The following HNRNPA1 variants were observed in gnomAD, a reference collection of about 807,000 sequenced individuals.
The protein encoded by HNRNPA1 is epididymis secretory sperm binding protein.
HNRNPA1 carries 7 observed loss-of-function variants against 44.4 expected under a neutral mutation model. That is an observed-to-expected ratio of 0.16 (90% CI 0.09 to 0.30). The LOEUF (loss-of-function observed/expected upper bound fraction) is 0.30. Ranked by LOEUF, HNRNPA1 falls within the 10% of genes least tolerant of loss-of-function variation. The pLI is 1.00. For synonymous variants in HNRNPA1, 169 were observed against 160.6 expected, an observed-to-expected ratio of 1.05 and a Z score of -0.40; for missense variants, 193 against 465.8, an observed-to-expected ratio of 0.41 and a Z score of 5.39.
rs113284748 is a variant in HNRNPA1, at chr12:54,284,149, A to AG, written c.1064-106dup. 2.0e-3 allele frequency: 2,627 copies of AG among 1,288,048 alleles called. 30 individuals carry two copies. The East Asian group carries it at 0.032, about 16-fold the overall frequency. The allele number at this position is 1,288,048 out of a possible 1,614,324, so 79.8% of individuals were successfully genotyped here. A position where few individuals can be genotyped will look rare whatever the true frequency, so the allele number is the denominator to read the frequency against. On this transcript the variant is annotated intron_variant, in intron 9 of 10. Coordinates refer to ENST00000340913, the MANE Select transcript of HNRNPA1 (RefSeq NM_031157.4). ...ACCTCTTTACCACCTCCCTTGTAGT[A>AG]GGGCCATTTTTAAATGGCCAGACAC... is the stretch of plus-strand genomic sequence containing the variant.
At chr12:54,282,982 A>G (rs1372316595) in intron 7 of HNRNPA1, 97 bp from the exon 8 acceptor site, 1 of 1,499,274 alleles carries the variant, frequency 6.7e-7, no homozygotes, top group African/African-American at 1.4e-5. Flanking sequence ...CTTTGCCCAT[A>G]ACACGCATGC....
At position 54,280,801 on chromosome 12, in the gene HNRNPA1, T is replaced by C; in HGVS notation, c.-7T>C. On this transcript the variant is annotated 5_prime_UTR_variant, in exon 1 of 11. Transcript: ENST00000340913. ...GCATCGTTAAAGTCTCTCTTCACCC[T>C]GCCGTCATGTCTAAGTCAGAGGTGA... 1 of 1,614,200 alleles carries C rather than the reference T, an allele frequency of 6.2e-7. No individual in the cohort carries two copies. Among genetic ancestry groups the C allele is most frequent in the Non-Finnish European group, 8.5e-7 (1 of 1,180,012 alleles).
chr12:54,281,668 G>T (rs1944173448), intron 2 of HNRNPA1, 127 bp from the exon 3 acceptor site: 1 of 1,088,710 alleles, frequency 9.2e-7, no homozygotes, highest in Middle Eastern at 2.0e-4. Context: ...TAAATCTAGG[G>T]TAGTGGGAAA....
At chr12:54,281,284 A>C in intron 1 of HNRNPA1, 102 bp from the exon 2 acceptor site, 1 of 745,980 alleles carries the variant, frequency 1.3e-6, no homozygotes, top group East Asian at 2.4e-5. Flanking sequence ...CTGAACGAAC[A>C]ATAAGTGCTA....
chr12:54,281,130 G>C (rs764128898), intron 1 of HNRNPA1: 56 of 699,818 alleles, frequency 8.0e-5, no homozygotes, highest in Admixed American at 2.0e-5. Context: ...TAGTCCCATT[G>C]TGGAGATGCA....
chr12:54,281,060 C>T (rs2137039920), intron 1 of HNRNPA1: 1 of 705,592 alleles, frequency 1.4e-6, no homozygotes, highest in South Asian at 1.5e-5. Context: ...TTCTTAGGCA[C>T]ACAGGATCTT....
Position 54,280,798 on chromosome 12 carries a change from C to T in HNRNPA1, c.-10C>T, listed in dbSNP as rs754995468. ...GAAGCATCGTTAAAGTCTCTCTTCA[C>T]CCTGCCGTCATGTCTAAGTCAGAGG... On this transcript the variant is annotated 5_prime_UTR_variant, in exon 1 of 11. Transcript: ENST00000340913. 3.1e-6 allele frequency: 5 copies of T among 1,614,188 alleles called. No individual in the cohort carries two copies. The South Asian group carries it at 3.3e-5, about 11-fold the overall frequency.
Position 54,282,113 on chromosome 12 carries a change from C to T in HNRNPA1, c.303C>T (p.His101=). 6.2e-7 allele frequency: 1 copy of T among 1,609,904 alleles called. No individual in the cohort carries two copies. The highest frequency in any genetic ancestry group is 8.5e-7 in the Non-Finnish European group (1 of 1,177,432). Residue 101 remains histidine (H), a synonymous_variant, in exon 4 of 11, where the codon CAC becomes CAT. Coordinates refer to ENST00000340913, the MANE Select transcript of HNRNPA1 (RefSeq NM_031157.4). Reference sequence around the variant, plus strand: ...AGGATTCTCAAAGACCAGGTGCCCACTTAACTGTGAAAAAGATATTTGTTG... The same window carrying T: ...AGGATTCTCAAAGACCAGGTGCCCATTTAACTGTGAAAAAGATATTTGTTG... The part of the protein sequence containing the change: ...SREDSQRPGA[H]LTVKKIFVGG...
At chr12:54,283,451 CAT>C (rs890425725) in intron 8 of HNRNPA1, among the ~76,000 whole-genome samples, 1 of 152,164 alleles carries the variant, frequency 6.6e-6, no homozygotes, top group African/African-American at 2.4e-5. Context: ...AGATTAGTAT[CAT>C]AGAAGGATTT....
chr12:54,283,508 C>T (rs1462915861), intron 8 of HNRNPA1, among the ~76,000 whole-genome samples: 1 of 152,076 alleles, frequency 6.6e-6, no homozygotes, highest in African/African-American at 2.4e-5. Context: ...GTTGATGTAT[C>T]CAAGATACTT....
At position 54,285,484 on chromosome 12, in the gene HNRNPA1, A is replaced by G. The variant is rs895238207; in HGVS notation, c.*940A>G. 1.3e-5 allele frequency: 2 copies of G among 152,238 alleles called. No homozygotes were observed. The highest frequency in any genetic ancestry group is 4.8e-5 in the African/African-American group (2 of 41,456). The allele number at this position is 152,238 out of a possible 1,614,324, so 9.4% of individuals were successfully genotyped here. ...TTAATGAACGTAAAGATAGGCTTAC[A>G]TTAAAGGAAAACTGCAGTTTGACTG... On this transcript the variant is annotated 3_prime_UTR_variant, in exon 11 of 11. Transcript: ENST00000340913.
At chr12:54,284,095 A>G (rs1319619026) in intron 9 of HNRNPA1, 128 bp downstream of exon 9, 2 of 1,329,970 alleles carry the variant, frequency 1.5e-6, no homozygotes, top group Non-Finnish European at 1.0e-6. Context: ...GAAAGTGATA[A>G]TTTGATCACA....
chr12:54,283,363 C>T, intron 8 of HNRNPA1, 129 bp downstream of exon 8: 3 of 1,004,768 alleles, frequency 3.0e-6, no homozygotes, highest in Non-Finnish European at 4.4e-6. Context: ...GCTTGCTATG[C>T]TACCTCCTCC....
chr12:54,282,341 C>T (rs1565880314), intron 4 of HNRNPA1, 41 bp downstream of exon 4: 4 of 1,610,168 alleles, frequency 2.5e-6, no homozygotes, highest in Non-Finnish European at 3.4e-6. Context: ...GTTCCACAAT[C>T]TGTATGGCAT....
chr12:54,284,166 G>T lies in HNRNPA1; in HGVS notation c.1064-92G>T, dbSNP rs1944227911. Reference sequence around the variant, plus strand: ...CTTGTAGTAGGGCCATTTTTAAATGGCCAGACACTTGAATTTAACTTTTAT... The same window carrying T: ...CTTGTAGTAGGGCCATTTTTAAATGTCCAGACACTTGAATTTAACTTTTAT... On this transcript the variant is annotated intron_variant, in intron 9 of 10. Coordinates refer to ENST00000340913, the MANE Select transcript of HNRNPA1 (RefSeq NM_031157.4). 2.1e-6 allele frequency: 3 copies of T among 1,418,394 alleles called. No homozygotes were observed. In the South Asian group the frequency reaches 3.7e-5, roughly 18 times the overall value. 87.9% of individuals were successfully genotyped at this position (1,418,394 alleles called of 1,614,324 possible).
At chr12:54,281,971 A>C (rs1189622297) in intron 3 of HNRNPA1, 30 bp downstream of exon 3, 3 of 1,610,798 alleles carry the variant, frequency 1.9e-6, no homozygotes, top group Admixed American at 1.7e-5. Flanking sequence ...TCTTCTTCTT[A>C]AACTTACTTG....
Position 54,283,630 on chromosome 12 carries a change from G to A in HNRNPA1, c.908-182G>A, listed in dbSNP as rs1176997797. 1.2e-5 allele frequency: 8 copies of A among 654,044 alleles called. No individual in the cohort carries two copies. The African/African-American group carries it at 1.5e-4, about 12-fold the overall frequency. 40.5% of individuals were successfully genotyped at this position (654,044 alleles called of 1,614,324 possible). ...ATGGTGAGTTAGGCCAGTTTTCTTT[G>A]TATTACTGGATTATTCAACTGAATG... On this transcript the variant is annotated intron_variant, in intron 8 of 10. Transcript: ENST00000340913.
At chr12:54,283,627 T>C in intron 8 of HNRNPA1, 185 bp from the exon 9 acceptor site, 1 of 647,598 alleles carries the variant, frequency 1.5e-6, no homozygotes, top group South Asian at 1.9e-5. Flanking sequence ...GCCAGTTTTC[T>C]TTGTATTACT....
rs563781412 is a variant in HNRNPA1 at position 54,285,211 on chromosome 12, T to C, written c.*667T>C. On this transcript the variant is annotated 3_prime_UTR_variant, in exon 11 of 11. Transcript: ENST00000340913. ...GGGAATGAAGCTTGTGTATCCATTA[T>C]CATGTGTAATCAATAAACGATTTAA... 1 of 153,302 alleles carries C rather than the reference T, an allele frequency of 6.5e-6. No individual in the cohort carries two copies. Among genetic ancestry groups the C allele is most frequent in the South Asian group, 2.0e-4 (1 of 4,904 alleles). The allele number at this position is 153,302 out of a possible 1,614,324, so 9.5% of individuals were successfully genotyped here.
Sources: gnomAD v4.1 joint callset for allele counts (sites outside exome capture counted in the v4.1 genomes callset) on GRCh38, gnomAD v4.1.1 for gene constraint, MANE v1.5 for transcripts, NCBI Gene and HGNC (gene_info 2026-07-23, HGNC 2026-07-21) for gene names.